The following SHROOM3 variants were observed in gnomAD, a reference collection of about 807,000 sequenced individuals.
SHROOM3 encodes the protein protein Shroom3.
A neutral mutation model predicts 138.6 loss-of-function variants in SHROOM3; 47 were observed. The observed-to-expected ratio is 0.34, with a 90% CI of 0.27 to 0.43. The LOEUF (loss-of-function observed/expected upper bound fraction) is 0.43. SHROOM3 is among the 20% of genes least tolerant of loss of function. The pLI is 1.00. For missense variants in SHROOM3, 2,491 were observed against 2,596.5 expected, an observed-to-expected ratio of 0.96 and a Z score of 0.88; for synonymous variants, 1,062 against 1,063.3, an observed-to-expected ratio of 1.00 and a Z score of 0.02.
Position 76,779,420 on chromosome 4 carries a change from A to C in SHROOM3, c.*243A>C, listed in dbSNP as rs1200548248. The C allele has an allele frequency of 8.5e-6, 4 of 469,400 alleles. No individual in the cohort carries two copies. Among genetic ancestry groups the C allele is most frequent in the African/African-American group, 7.9e-5 (4 of 50,690 alleles). The allele number at this position is 469,400 out of a possible 1,614,324, so 29.1% of individuals were successfully genotyped here. ...CTATTATTACTTTGTAGTAGAAAGAAAGTTAATGAAACTGAGAACTGATTG... is the reference window on the plus strand; with the variant it reads ...CTATTATTACTTTGTAGTAGAAAGACAGTTAATGAAACTGAGAACTGATTG... On this transcript the variant is annotated 3_prime_UTR_variant, in exon 11 of 11. Transcript: ENST00000296043.
chr4:76,573,782 T>C (rs970536458), intron 2 of SHROOM3: 5 of 152,744 alleles, frequency 3.3e-5, no homozygotes, highest in African/African-American at 1.2e-4. Context: ...CCCCTTAGCT[T>C]CAGACAACTT....
chr4:76,614,164 C>A (rs1047989574), intron 2 of SHROOM3, among the ~76,000 whole-genome samples: 1 of 152,196 alleles, frequency 6.6e-6, no homozygotes, highest in Non-Finnish European at 1.5e-5. Flanking sequence ...CACACCTTCT[C>A]CCGCTTCAGC....
rs550881432 is a variant in SHROOM3, at chr4:76,455,718, C to A, written c.168+19498C>A. ...AAAAATGAAATTAGATTTTTTTTAA[C>A]CTGTAAGACTGAAAAAGATGAGGAA... is the stretch of plus-strand genomic sequence containing the variant. On this transcript the variant is annotated intron_variant, in intron 1 of 10. Coordinates refer to ENST00000296043, the MANE Select transcript of SHROOM3 (RefSeq NM_020859.4). 6.6e-5 allele frequency among the ~76,000 whole-genome samples: 10 copies of A among 152,092 alleles called. No individual in the cohort carries two copies. In the East Asian group the frequency reaches 1.7e-3, roughly 26 times the overall value.
At chr4:76,441,787 A>ATC (rs779874746) in intron 1 of SHROOM3, among the ~76,000 whole-genome samples, 25 of 152,168 alleles carry the variant, frequency 1.6e-4, no homozygotes, top group Non-Finnish European at 3.1e-4. Context: ...CAATGGCACG[A>ATC]TCTCGGCTCA....
intron 1 of SHROOM3, among the ~76,000 whole-genome samples, chr4:76,530,451 C>T (rs563950279): frequency 6.6e-6 from 1 of 152,280 alleles, no homozygotes; most frequent in Non-Finnish European, 1.5e-5. Context: ...TTTCATCCTC[C>T]AGGGTCTTGT....
intron 1 of SHROOM3, among the ~76,000 whole-genome samples, chr4:76,542,822 G>T (rs943962061): frequency 1.3e-5 from 2 of 152,218 alleles, no homozygotes; most frequent in African/African-American, 4.8e-5. Flanking sequence ...CTAATACAGT[G>T]GTAAAGCTGA....
intron 2 of SHROOM3, among the ~76,000 whole-genome samples, chr4:76,579,474 A>C (rs552003371): frequency 6.6e-6 from 1 of 152,344 alleles, no homozygotes; most frequent in East Asian, 1.9e-4. Context: ...TCTCAAAAAT[A>C]ATAATAAACA....
intron 1 of SHROOM3, among the ~76,000 whole-genome samples, chr4:76,498,528 A>G (rs1732016916): frequency 1.3e-5 from 2 of 152,088 alleles, no homozygotes; most frequent in Non-Finnish European, 2.9e-5. Context: ...AATCACAAAC[A>G]GAGTTTAGAA....
chr4:76,546,745 G>A lies in SHROOM3; in HGVS notation c.169-8864G>A, dbSNP rs1157405415. Among the ~76,000 whole-genome samples the A allele has an allele frequency of 2.0e-5, 3 of 151,994 alleles. No individual in the cohort carries two copies. The South Asian group carries it at 6.2e-4, about 32-fold the overall frequency. ...TAGAGAGCATATTTTTCCTCAAACCGCCAACTTCACAAAACAGCAAATGAT... is the reference window on the plus strand; with the variant it reads ...TAGAGAGCATATTTTTCCTCAAACCACCAACTTCACAAAACAGCAAATGAT... On this transcript the variant is annotated intron_variant, in intron 1 of 10. Coordinates refer to ENST00000296043, the MANE Select transcript of SHROOM3 (RefSeq NM_020859.4).
intron 1 of SHROOM3, among the ~76,000 whole-genome samples, chr4:76,496,276 C>CT (rs1358869281): frequency 5.9e-5 from 9 of 152,192 alleles, no homozygotes; most frequent in Non-Finnish European, 1.2e-4. Context: ...ACTGCCAGCA[C>CT]TGAGCCACAG....
Position 76,740,832 on chromosome 4 carries a change from C to G in SHROOM3, c.2659C>G (p.Arg887Gly), listed in dbSNP as rs549997911. The G allele has an allele frequency of 1.9e-6, 3 of 1,593,296 alleles. No homozygotes were observed. The highest frequency in any genetic ancestry group is 2.2e-5 in the East Asian group (1 of 44,644). ...GPQRPDARLL[R>G]SQSTFQLSSE... ...CCAGAGGCCGGACGCTCGGCTCCTC[C>G]GTAGCCAGAGCACCTTCCAGCTCTC... The change falls in exon 5 of 11, where the codon CGT (arginine) becomes GGT (glycine). Residue 887 changes from arginine to glycine, a missense_variant. Transcript: ENST00000296043. The surrounding 1 kb of genome is among the most constrained non-coding windows in gnomAD (Gnocchi z 4.0).
chr4:76,754,373 C>T lies in SHROOM3; in HGVS notation c.3890C>T (p.Pro1297Leu), dbSNP rs1721732094. The change falls in exon 7 of 11, where the codon CCT becomes CTT. Residue 1297 changes from proline to leucine, a missense_variant. By Grantham distance (98) the Pro-to-Leu change is moderately conservative. This residue lies in a region of SHROOM3 where 1,733 missense variants were observed against 1,661.6 expected (regional missense o/e 1.04). Transcript: ENST00000296043. ...CTGCCGCTCTTCCACCATCTCACCC[C>T]TCGTTGGGGTGGTTCAGGCTGCAAA... ...EMLPLFHHLT[P>L]RWGGSGCKAI... 6.2e-7 allele frequency: 1 copy of T among 1,614,034 alleles called. No homozygotes were observed. The highest frequency in any genetic ancestry group is 1.7e-5 in the Admixed American group (1 of 60,014).
At chr4:76,584,461 G>T (rs1734111478) in intron 2 of SHROOM3, among the ~76,000 whole-genome samples, 1 of 152,286 alleles carries the variant, frequency 6.6e-6, no homozygotes, top group East Asian at 1.9e-4. Flanking sequence ...GAGCAGAGTG[G>T]ATCTGAAGTG....
chr4:76,754,800 G>C lies in SHROOM3; in HGVS notation c.4317G>C (p.Glu1439Asp). Residue 1439 changes from glutamate (E) to aspartate (D), a missense_variant, in exon 7 of 11, where the codon GAG (glutamate) becomes GAC (aspartate). Around this residue, in one of 4 missense-constraint regions of SHROOM3, gnomAD observed 1,733 missense variants for 1,661.6 expected, o/e 1.04. Coordinates refer to ENST00000296043, the MANE Select transcript of SHROOM3 (RefSeq NM_020859.4). ...SRAKWAHAAR[E>D]DSLPEESSAP... ...CAAAGTGGGCCCACGCAGCCAGAGA[G>C]GACAGCCTTCCTGAGGAATCCTCAG... is the stretch of plus-strand genomic sequence containing the variant. 3 of 1,614,196 alleles carry C rather than the reference G, an allele frequency of 1.9e-6. No individual in the cohort carries two copies. The highest frequency in any genetic ancestry group is 2.5e-6 in the Non-Finnish European group (3 of 1,180,024).
intron 2 of SHROOM3, among the ~76,000 whole-genome samples, chr4:76,704,811 C>T (rs1334303832): frequency 2.0e-5 from 3 of 152,098 alleles, no homozygotes; most frequent in Non-Finnish European, 4.4e-5. Context: ...AAGGGGGAGG[C>T]CAGTGAGGAA....
chr4:76,628,986 G>T (rs191518122), intron 2 of SHROOM3: 2 of 152,178 alleles, frequency 1.3e-5, no homozygotes, highest in Non-Finnish European at 2.9e-5. Flanking sequence ...GACTACAGGT[G>T]TGTGCCACCA....
intron 1 of SHROOM3, among the ~76,000 whole-genome samples, chr4:76,516,756 C>G (rs1361576493): frequency 6.6e-6 from 1 of 152,170 alleles, no homozygotes; most frequent in Non-Finnish European, 1.5e-5. Flanking sequence ...TTCTAAGTTT[C>G]TGATCCTGGA....
rs530074452 is a variant in SHROOM3, at chr4:76,780,761, A to T, written c.*1584A>T. The stretch of plus-strand genomic sequence containing the variant: ...TTCTTTGGAGCTTATATACTGCATG[A>T]CTCCATTGATACAAATAAGACAGCA... On this transcript the variant is annotated 3_prime_UTR_variant, in exon 11 of 11. Coordinates refer to ENST00000296043, the MANE Select transcript of SHROOM3 (RefSeq NM_020859.4). 2.0e-5 allele frequency: 3 copies of T among 152,190 alleles called. No homozygotes were observed. The highest frequency in any genetic ancestry group is 2.0e-4 in the Admixed American group (3 of 15,298). 9.4% of individuals were successfully genotyped at this position (152,190 alleles called of 1,614,324 possible).
At chr4:76,576,846 A>G (rs1733950430) in intron 2 of SHROOM3, among the ~76,000 whole-genome samples, 1 of 152,102 alleles carries the variant, frequency 6.6e-6, no homozygotes, top group African/African-American at 2.4e-5. Flanking sequence ...AAATTTTGTT[A>G]TAAATATTTT....
Sources: allele counts gnomAD v4.1 joint callset (sites outside exome capture counted in the v4.1 genomes callset), GRCh38; gene constraint gnomAD v4.1.1; regional missense constraint gnomAD v4.1.1; non-coding constraint Gnocchi (gnomAD v3.1); transcripts MANE v1.5; gene names NCBI Gene and HGNC (gene_info 2026-07-23, HGNC 2026-07-21).